The following EYS variants were observed in gnomAD, a reference collection of about 807,000 sequenced individuals.
EYS encodes protein eyes shut homolog.
In EYS, 250 loss-of-function variants were observed where a neutral mutation model predicts 282.1. The ratio of observed to expected loss-of-function variants is 0.89; its 90% confidence interval spans 0.80 to 0.98. EYS has a LOEUF of 0.98. Among genes scored for constraint, EYS ranks in the 50% least tolerant of loss-of-function variants. EYS has a pLI of 0.00. For missense variants in EYS, 4,016 were observed against 3,709.0 expected, an observed-to-expected ratio of 1.08 and a Z score of -2.15; for synonymous variants, 1,355 against 1,282.9, an observed-to-expected ratio of 1.06 and a Z score of -1.20.
At chr6:65,590,596 A>AT (rs1451191486) in intron 2 of EYS, among the ~76,000 whole-genome samples, 3 of 151,992 alleles carry the variant, frequency 2.0e-5, no homozygotes, top group African/African-American at 7.2e-5. Context: ...TCTCACTGTA[A>AT]CTTTGTACCC....
At chr6:65,398,013 T>C (rs978517706) in intron 7 of EYS, among the ~76,000 whole-genome samples, 1 of 152,078 alleles carries the variant, frequency 6.6e-6, no homozygotes, top group African/African-American at 2.4e-5. Flanking sequence ...ATTAAAGATG[T>C]TGAGCATTTT....
intron 5 of EYS, among the ~76,000 whole-genome samples, chr6:65,422,263 G>A (rs754349511): frequency 6.6e-6 from 1 of 151,854 alleles, no homozygotes; most frequent in Non-Finnish European, 1.5e-5. Flanking sequence ...AATAAATAAA[G>A]CTTCCAATCT....
At chr6:65,198,695 G>A (rs1193482429) in intron 12 of EYS, among the ~76,000 whole-genome samples, 1 of 152,096 alleles carries the variant, frequency 6.6e-6, no homozygotes, top group African/African-American at 2.4e-5. Flanking sequence ...TATGTATTTC[G>A]ATTGACTACT....
intron 22 of EYS, among the ~76,000 whole-genome samples, chr6:64,683,978 C>T (rs1232294338): frequency 1.3e-5 from 2 of 152,220 alleles, no homozygotes; most frequent in Non-Finnish European, 2.9e-5. Flanking sequence ...AAGGCAGGCT[C>T]CTGCACTAGC....
Position 64,591,733 on chromosome 6 carries a change from G to A in EYS, c.4134C>T (p.Ala1378=). ...TATCAGGAAAAAAGAAACCTAGTGTGGCTGCTGAAGTTCGAATAGGCATAT... is the reference window on the plus strand; with the variant it reads ...TATCAGGAAAAAAGAAACCTAGTGTAGCTGCTGAAGTTCGAATAGGCATAT... ...VSHMPIRTSA[A]TLGFFFPDRR... is the part of the protein sequence containing the mutation. Residue 1378 remains alanine (A), a synonymous_variant, in exon 26 of 43, where the codon GCC becomes GCT. Transcript: ENST00000503581. The A allele has an allele frequency of 1.3e-6, 2 of 1,551,370 alleles. No individual in the cohort carries two copies. The highest frequency in any genetic ancestry group is 1.7e-6 in the Non-Finnish European group (2 of 1,146,780).
chr6:64,093,383 T>C (rs1399057499), intron 31 of EYS, among the ~76,000 whole-genome samples: 1 of 152,192 alleles, frequency 6.6e-6, no homozygotes, highest in African/African-American at 2.4e-5. Context: ...TTCCTACCCA[T>C]GAGCATGGAA....
intron 11 of EYS, among the ~76,000 whole-genome samples, chr6:65,333,521 A>G (rs572899316): frequency 6.6e-6 from 1 of 151,730 alleles, no homozygotes; most frequent in Admixed American, 6.6e-5. Context: ...GTTGTTGGGT[A>G]ATGTGTTTTA....
At chr6:65,602,955 A>C (rs1254811136) in intron 2 of EYS, among the ~76,000 whole-genome samples, 1 of 152,134 alleles carries the variant, frequency 6.6e-6, no homozygotes, top group East Asian at 1.9e-4. Flanking sequence ...AAGGTAAAGT[A>C]GTAGACTGAT....
chr6:65,339,277 A>C (rs1473117256), intron 10 of EYS, among the ~76,000 whole-genome samples: 1 of 151,188 alleles, frequency 6.6e-6, no homozygotes, highest in Non-Finnish European at 1.5e-5. Context: ...ATTCTCCAAA[A>C]ATAGAATGCA....
At chr6:65,157,632 A>G (rs1325572818) in intron 12 of EYS, among the ~76,000 whole-genome samples, 2 of 150,636 alleles carry the variant, frequency 1.3e-5, no homozygotes, top group African/African-American at 4.8e-5. Context: ...AGTTCTCTAA[A>G]CTAGTCTGGG....
intron 22 of EYS, among the ~76,000 whole-genome samples, chr6:64,681,585 C>G (rs949043707): frequency 2.6e-5 from 4 of 152,160 alleles, no homozygotes; most frequent in African/African-American, 9.6e-5. Context: ...CCGCAATGAT[C>G]ACCTGGCCTC....
At position 63,930,072 on chromosome 6, in the gene EYS, C is replaced by T. The variant is rs116057416; in HGVS notation, c.7055+54311G>A. Among the ~76,000 whole-genome samples, 140 of 152,202 alleles carry T rather than the reference C, an allele frequency of 9.2e-4. 1 individual carries two copies. Among genetic ancestry groups the T allele is most frequent in the African/African-American group, 3.3e-3 (136 of 41,536 alleles). ...ATTTGCTGTCCTCTGTCCTTATTGC[C>T]AGCTTCTGTTTTCCGCCAGTTCCAC... On this transcript the variant is annotated intron_variant, in intron 35 of 42. Coordinates refer to ENST00000503581, the MANE Select transcript of EYS (RefSeq NM_001142800.2).
chr6:64,563,260 A>G (rs1765456341), intron 26 of EYS, among the ~76,000 whole-genome samples: 1 of 152,074 alleles, frequency 6.6e-6, no homozygotes, highest in Non-Finnish European at 1.5e-5. Flanking sequence ...TGCATAGTCT[A>G]AAGTTCTGAC....
At chr6:64,562,716 T>A (rs1423080113) in intron 26 of EYS, among the ~76,000 whole-genome samples, 1 of 151,988 alleles carries the variant, frequency 6.6e-6, no homozygotes, top group African/African-American at 2.4e-5. Context: ...TAAACTGTTA[T>A]CTTTAATATT....
In EYS at chr6:65,687,621, A is replaced by C. The variant is rs186277670; in HGVS notation, c.-448+19514T>G. Among the ~76,000 whole-genome samples, 454 of 152,298 alleles carry C rather than the reference A, an allele frequency of 3.0e-3. 3 individuals carry two copies. Among genetic ancestry groups the C allele is most frequent in the African/African-American group, 0.01 (434 of 41,582 alleles). ...AGAAGGAAATAAAGGGCATTCAATT[A>C]GGAAAAGAGGAAGTCAAATTGTCCC... is the stretch of plus-strand genomic sequence containing the variant. On this transcript the variant is annotated intron_variant, in intron 1 of 42. Transcript: ENST00000503581.
chr6:64,748,104 T>C (rs1425007511), intron 22 of EYS, among the ~76,000 whole-genome samples: 2 of 152,162 alleles, frequency 1.3e-5, no homozygotes, highest in Admixed American at 6.5e-5. Context: ...AACTATTGGA[T>C]TAGCAGTGAA....
At position 64,593,106 on chromosome 6, in the gene EYS, C is replaced by T. The variant is rs771343202; in HGVS notation, c.3877+11G>A. On this transcript the variant is annotated intron_variant, in intron 25 of 42. Transcript: ENST00000503581. ...CTCAAACTTCTTAATATCTTACCCA[C>T]TTCTACTTACCTTGATCAACTGGGT... The T allele has an allele frequency of 1.8e-5, 27 of 1,493,684 alleles. No individual in the cohort carries two copies. The highest frequency in any genetic ancestry group is 2.3e-5 in the Non-Finnish European group (26 of 1,124,804). 92.5% of individuals were successfully genotyped at this position (1,493,684 alleles called of 1,614,324 possible). A position where few individuals can be genotyped will look rare whatever the true frequency, so the allele number is the denominator to read the frequency against.
intron 22 of EYS, among the ~76,000 whole-genome samples, chr6:64,662,410 C>T (rs185076415): frequency 6.6e-5 from 10 of 152,084 alleles, no homozygotes; most frequent in Non-Finnish European, 1.2e-4. Flanking sequence ...TTAAAAGTCC[C>T]AGATTTAGTT....
intron 28 of EYS, among the ~76,000 whole-genome samples, chr6:64,391,518 C>A (rs1051896504): frequency 1.1e-4 from 17 of 151,912 alleles, no homozygotes; most frequent in African/African-American, 3.9e-4. Flanking sequence ...TCATATCCAG[C>A]CAAACTAAGC....
Sources: allele counts gnomAD v4.1 joint callset (sites outside exome capture counted in the v4.1 genomes callset), GRCh38; gene constraint gnomAD v4.1.1; transcripts MANE v1.5; gene names NCBI Gene and HGNC (gene_info 2026-07-23, HGNC 2026-07-21).